TMTC4: variants seen among roughly 807,000 people sequenced by gnomAD.
TMTC4 encodes the protein protein O-mannosyl-transferase TMTC4.
In TMTC4, 65 loss-of-function variants were observed where a neutral mutation model predicts 86.0. The ratio of observed to expected loss-of-function variants is 0.76; its 90% CI spans 0.62 to 0.93. The LOEUF (loss-of-function observed/expected upper bound fraction) is 0.93. Among genes scored for constraint, TMTC4 ranks in the 40% least tolerant of loss-of-function variants. The pLI is 0.00. For synonymous variants in TMTC4, 379 were observed against 382.5 expected (o/e 0.99, Z 0.11); for missense variants, 866 against 948.1 (o/e 0.91, Z 1.14).
At chr13:100,674,818 G>A (rs1241466635), upstream of TMTC4, 1 of 980,408 alleles carries the variant, frequency 1.0e-6, no homozygotes, top group Admixed American at 6.2e-5. Context: ...CACCCGCCCG[G>A]ACCTGGCAGG....
intron 17 of TMTC4, among the ~76,000 whole-genome samples, chr13:100,608,275 G>T (rs963649457): frequency 6.6e-6 from 1 of 152,206 alleles, no homozygotes; most frequent in Non-Finnish European, 1.5e-5. Context: ...GACAGGGAAG[G>T]GCTCAGATCT....
rs183190792 is a variant in TMTC4 at position 100,614,632 on chromosome 13, T to C, written c.1837-202A>G. ...AACAATACCAATGAAGTAAATACTA[T>C]TGTTATCCCCATTTTACAGAGGAAG... On this transcript the variant is annotated intron_variant, in intron 15 of 18. Transcript: ENST00000342624. Among the ~76,000 whole-genome samples, 261 of 152,252 alleles carry C rather than the reference T, an allele frequency of 1.7e-3. 1 individual carries two copies. The highest frequency in any genetic ancestry group is 5.9e-3 in the African/African-American group (246 of 41,544).
rs772009298 is a variant in TMTC4, at chr13:100,625,635, T to C, written c.1736A>G (p.Gln579Arg). 8.1e-6 allele frequency: 13 copies of C among 1,614,112 alleles called. No homozygotes were observed. Among genetic ancestry groups the C allele is most frequent in the Admixed American group, 5.0e-5 (3 of 60,000 alleles). Residue 579 changes from glutamine to arginine, a missense_variant, in exon 15 of 19, where the codon CAG (glutamine) becomes CGG (arginine). Physicochemically the swap from Gln to Arg is conservative, Grantham distance 43 (BLOSUM62 1). Coordinates refer to ENST00000342624, the MANE Select transcript of TMTC4 (RefSeq NM_032813.5). ...AAAWMNLGIV[Q>R]NSLKRFEAAE... ...TGCTTCAAACCGTTTCAGGCTATTC[T>C]GCACTATGCCTAGATTCATCCACGC... is the stretch of plus-strand genomic sequence containing the variant.
chr13:100,642,762 A>C (rs957206224), intron 6 of TMTC4, among the ~76,000 whole-genome samples: 3 of 152,176 alleles, frequency 2.0e-5, no homozygotes, highest in African/African-American at 4.8e-5. Flanking sequence ...GAGAATCTCC[A>C]CTACTCCTGG....
intron 7 of TMTC4, among the ~76,000 whole-genome samples, chr13:100,641,458 TC>T (rs1308271583): frequency 6.6e-6 from 1 of 151,902 alleles, no homozygotes; most frequent in Non-Finnish European, 1.5e-5. Context: ...GCTGCAGAAC[TC>T]CTGTTCCTTC....
intron 6 of TMTC4, among the ~76,000 whole-genome samples, chr13:100,655,016 ATTTTT>A (rs35965658): frequency 1.7e-5 from 2 of 118,654 alleles, no homozygotes; most frequent in Non-Finnish European, 3.4e-5. Flanking sequence ...CACAACGCCT[ATTTTT>A]TTTTTTTTTT....
intron 12 of TMTC4, among the ~76,000 whole-genome samples, chr13:100,630,328 T>G (rs1342688622): frequency 6.6e-6 from 1 of 152,110 alleles, no homozygotes; most frequent in Non-Finnish European, 1.5e-5. Flanking sequence ...AGATTTATGT[T>G]TACCCACTCT....
intron 1 of TMTC4, among the ~76,000 whole-genome samples, chr13:100,671,913 G>A (rs1423293211): frequency 1.4e-5 from 2 of 147,408 alleles, no homozygotes; most frequent in African/African-American, 5.0e-5. Context: ...TTGTTAGAAA[G>A]CCAGGCAAAG....
chr13:100,633,592 C>T (rs1881757742), intron 12 of TMTC4, among the ~76,000 whole-genome samples: 1 of 152,174 alleles, frequency 6.6e-6, no homozygotes, highest in Non-Finnish European at 1.5e-5. Context: ...TTTTAGAGTA[C>T]AGTCATGCAT....
intron 18 of TMTC4, 132 bp downstream of exon 18, chr13:100,606,226 A>T (rs1335416629): frequency 1.3e-6 from 1 of 783,958 alleles, no homozygotes; most frequent in Non-Finnish European, 2.1e-6. Context: ...TTTTAATGCA[A>T]TAACAGAACC....
intron 15 of TMTC4, among the ~76,000 whole-genome samples, chr13:100,621,677 G>A (rs1054737738): frequency 6.6e-6 from 1 of 152,084 alleles, no homozygotes; most frequent in Non-Finnish European, 1.5e-5. Context: ...CACTCGCCTC[G>A]GCCTTCCAAA....
At chr13:100,669,203 C>G (rs1046847781) in intron 2 of TMTC4, among the ~76,000 whole-genome samples, 1 of 152,182 alleles carries the variant, frequency 6.6e-6, no homozygotes, top group Non-Finnish European at 1.5e-5. Context: ...TTTTAGCACA[C>G]TGTGTGTGTG....
chr13:100,658,672 A>G (rs992845211), intron 5 of TMTC4, among the ~76,000 whole-genome samples: 14 of 152,322 alleles, frequency 9.2e-5, no homozygotes, highest in African/African-American at 3.4e-4. Flanking sequence ...GCTAGTGTAG[A>G]TTTGAAGAAT....
At chr13:100,663,341 G>A (rs188223687) in intron 4 of TMTC4, among the ~76,000 whole-genome samples, 161 bp from the exon 5 acceptor site, 2 of 152,324 alleles carry the variant, frequency 1.3e-5, no homozygotes, top group Admixed American at 1.3e-4. Flanking sequence ...AATGCCTGTC[G>A]AGCTAAGAAG....
intron 6 of TMTC4, among the ~76,000 whole-genome samples, chr13:100,644,813 C>T (rs1401542027): frequency 2.8e-5 from 4 of 144,312 alleles, no homozygotes; most frequent in Admixed American, 6.8e-5. Context: ...TAAAACACAA[C>T]GAACATACTT....
intron 14 of TMTC4, 40 bp from the exon 15 acceptor site, chr13:100,625,716 A>G (rs1288879565): frequency 2.5e-6 from 4 of 1,611,006 alleles, no homozygotes; most frequent in Non-Finnish European, 3.4e-6. Flanking sequence ...AAGAAGATGA[A>G]AGGCTTAGAT....
intron 15 of TMTC4, among the ~76,000 whole-genome samples, chr13:100,622,768 C>CT (rs1200112841): frequency 7.9e-5 from 12 of 151,338 alleles, no homozygotes; most frequent in African/African-American, 1.7e-4. Flanking sequence ...TTTAGTATTT[C>CT]TTTTTTTTTA....
In TMTC4 at chr13:100,635,026, T is replaced by C. The variant is rs752016978; in HGVS notation, c.1372A>G (p.Lys458Glu). 1 of 1,611,160 alleles carries C rather than the reference T, an allele frequency of 6.2e-7. No homozygotes were observed. The highest frequency in any genetic ancestry group is 8.5e-7 in the Non-Finnish European group (1 of 1,178,222). Residue 458 changes from lysine to glutamate, a missense_variant and splice_region_variant, in exon 11 of 19, where the codon AAG becomes GAG. Coordinates refer to ENST00000342624, the MANE Select transcript of TMTC4 (RefSeq NM_032813.5). The part of the protein sequence containing the change: ...FGALSKHTKK[K>E]KLIAAVVLGI... ...CTGGCACCACTCTCAGTTGATACCT[T>C]TTTCTTGGTATGTTTGCTCAGGGCT...
intron 12 of TMTC4, among the ~76,000 whole-genome samples, chr13:100,627,709 C>T (rs1289906253): frequency 2.6e-5 from 4 of 152,180 alleles, no homozygotes; most frequent in African/African-American, 7.2e-5. Context: ...CATTATACTT[C>T]TAGGTCCCAG....
Sources: gnomAD v4.1 joint callset for allele counts (sites outside exome capture counted in the v4.1 genomes callset) on GRCh38, gnomAD v4.1.1 for gene constraint, MANE v1.5 for transcripts, NCBI Gene and HGNC (gene_info 2026-07-23, HGNC 2026-07-21) for gene names.